The following MED15 variants were observed in gnomAD, a reference collection of about 807,000 sequenced individuals.
MED15 encodes the protein mediator of RNA polymerase II transcription subunit 15.
Under a neutral mutation model 118.7 loss-of-function variants are expected in MED15, and 41 were observed. That is an observed-to-expected ratio of 0.35 (90% CI 0.27 to 0.45). The LOEUF (loss-of-function observed/expected upper bound fraction) is 0.45, where lower values mean the gene tolerates loss of function less well. MED15 is among the 20% of genes least tolerant of loss of function. MED15 has a pLI of 1.00. For missense variants in MED15, 740 were observed against 1,025.5 expected (o/e 0.72, Z 3.80); for synonymous variants, 436 against 413.9 (o/e 1.05, Z -0.65).
chr22:20,559,836 C>T (rs1314606303), intron 5 of MED15, among the ~76,000 whole-genome samples: 1 of 152,172 alleles, frequency 6.6e-6, no homozygotes, highest in African/African-American at 2.4e-5. Flanking sequence ...TCCAATAAGC[C>T]TTTTGCACTC....
At chr22:20,580,641 G>T (rs537396981) in intron 9 of MED15, among the ~76,000 whole-genome samples, 1 of 152,120 alleles carries the variant, frequency 6.6e-6, no homozygotes, top group African/African-American at 2.4e-5. Flanking sequence ...CCCACTCCTC[G>T]GTGCCGTCTG....
Position 20,584,443 on chromosome 22 carries a change from C to T in MED15, c.1803+18C>T, listed in dbSNP as rs1479371146. ...TGGCGGTGGTGAGTGGGATGCCAGA[C>T]ACCCCTAGGGGAACCAGGGCTCTCC... is the stretch of plus-strand genomic sequence containing the variant. On this transcript the variant is annotated intron_variant, in intron 14 of 17. Coordinates refer to ENST00000263205, the MANE Select transcript of MED15 (RefSeq NM_001003891.3). 1 of 1,612,888 alleles carries T rather than the reference C, an allele frequency of 6.2e-7. No homozygotes were observed. Among genetic ancestry groups the T allele is most frequent in the African/African-American group, 1.3e-5 (1 of 74,898 alleles).
At chr22:20,545,473 C>CAAAAAAAAAAAAA in intron 2 of MED15, among the ~76,000 whole-genome samples, 1 of 90,150 alleles carries the variant, frequency 1.1e-5, no homozygotes. Flanking sequence ...GACTCCACCT[C>CAAAAAAAAAAAAA]AAAAAAAAAA....
At chr22:20,535,908 C>T (rs1465767523) in intron 1 of MED15, among the ~76,000 whole-genome samples, 1 of 123,474 alleles carries the variant, frequency 8.1e-6, no homozygotes, top group Non-Finnish European at 1.6e-5. Context: ...GATGGAGTTT[C>T]GCTCTGTCAC....
At chr22:20,513,282 CTTTTT>C (rs361904) in intron 1 of MED15, among the ~76,000 whole-genome samples, 1 of 127,054 alleles carries the variant, frequency 7.9e-6, no homozygotes, top group Non-Finnish European at 1.8e-5. Context: ...CTTTTTCTTT[CTTTTT>C]TTTTTTTTTT....
intron 1 of MED15, among the ~76,000 whole-genome samples, chr22:20,517,604 TCTC>T (rs2054298889): frequency 6.6e-6 from 1 of 152,170 alleles, no homozygotes; most frequent in South Asian, 2.1e-4. Context: ...TGAAGGCTTA[TCTC>T]CTCCTAGTCT....
rs1195982595 is a variant in MED15, at chr22:20,582,885, A to T, written c.1455A>T (p.Ser485=). 2 of 1,612,672 alleles carry T rather than the reference A, an allele frequency of 1.2e-6. No individual in the cohort carries two copies. The highest frequency in any genetic ancestry group is 2.7e-5 in the African/African-American group (2 of 74,602). Residue 485 remains serine (S), a synonymous_variant, in exon 11 of 18, where the codon TCA becomes TCT. Coordinates refer to ENST00000263205, the MANE Select transcript of MED15 (RefSeq NM_001003891.3). The part of the protein sequence containing the change: ...PSPSSFLPSP[S]PQPSQSPVTA... ...CCAGTAGCTTCCTGCCCAGCCCCTCACCGCAGCCCTCCCAGAGCCCAGTGA... is the reference window on the plus strand; with the variant it reads ...CCAGTAGCTTCCTGCCCAGCCCCTCTCCGCAGCCCTCCCAGAGCCCAGTGA...
chr22:20,558,158 A>G (rs949422271), intron 5 of MED15, among the ~76,000 whole-genome samples: 1 of 152,124 alleles, frequency 6.6e-6, no homozygotes, highest in Non-Finnish European at 1.5e-5. Context: ...TCTTGTTACC[A>G]CCTTTGTCAG....
At chr22:20,567,611 C>G (rs2056489532) in intron 7 of MED15, among the ~76,000 whole-genome samples, 1 of 152,200 alleles carries the variant, frequency 6.6e-6, no homozygotes, top group South Asian at 2.1e-4. Context: ...ACCCCGGGGA[C>G]TGTGCAGACT....
chr22:20,559,898 G>A (rs1232886751), intron 5 of MED15, among the ~76,000 whole-genome samples: 1 of 152,098 alleles, frequency 6.6e-6, no homozygotes, highest in Non-Finnish European at 1.5e-5. Context: ...GGTGATACAA[G>A]GTAAAATGGG....
intron 13 of MED15, chr22:20,583,722 G>A (rs965729469): frequency 1.5e-5 from 5 of 330,504 alleles, no homozygotes; most frequent in South Asian, 4.1e-5. Flanking sequence ...AGCCTGACCT[G>A]GAGTTCTGCC....
chr22:20,583,967 T>C (rs901779879), intron 13 of MED15: 2 of 268,160 alleles, frequency 7.5e-6, no homozygotes, highest in Non-Finnish European at 1.4e-5. Context: ...AACCCCTGTC[T>C]AGAAGGGTCT....
At chr22:20,585,315 C>T (rs763872252) in intron 16 of MED15, 48 bp downstream of exon 16, 17 of 1,596,100 alleles carry the variant, frequency 1.1e-5, no homozygotes, top group South Asian at 3.4e-5. Flanking sequence ...AGGCCCTGAC[C>T]GCAGCCCCAG....
chr22:20,579,854 A>G (rs1157350288), intron 9 of MED15, among the ~76,000 whole-genome samples: 1 of 151,928 alleles, frequency 6.6e-6, no homozygotes, highest in Non-Finnish European at 1.5e-5. Context: ...GGTGGTGTGC[A>G]CTCAGAAACT....
At chr22:20,541,725 A>G (rs901320125) in intron 2 of MED15, among the ~76,000 whole-genome samples, 1 of 150,922 alleles carries the variant, frequency 6.6e-6, no homozygotes, top group African/African-American at 2.4e-5. Context: ...TCTCGGCTCA[A>G]CGCAACCTCC....
chr22:20,567,820 G>C (rs1231912423), intron 7 of MED15, among the ~76,000 whole-genome samples: 1 of 152,182 alleles, frequency 6.6e-6, no homozygotes, highest in South Asian at 2.1e-4. Flanking sequence ...CCTCCATGCA[G>C]TGGCTCCACA....
At chr22:20,516,489 CCCCCCAGACCTTAA>C (rs1250494835) in intron 1 of MED15, among the ~76,000 whole-genome samples, 1 of 151,794 alleles carries the variant, frequency 6.6e-6, no homozygotes, top group Admixed American at 6.6e-5. Flanking sequence ...CCAACCAGTA[CCCCCCAGACCTTAA>C]CCCCCAGCCC....
chr22:20,560,583 C>T (rs936700581), intron 5 of MED15, among the ~76,000 whole-genome samples: 1 of 152,042 alleles, frequency 6.6e-6, no homozygotes, highest in African/African-American at 2.4e-5. Context: ...ATTTATAGAG[C>T]TAGGGTCTCC....
At chr22:20,579,494 T>G (rs2056915935) in intron 9 of MED15, among the ~76,000 whole-genome samples, 1 of 150,064 alleles carries the variant, frequency 6.7e-6, no homozygotes, top group Non-Finnish European at 1.5e-5. Flanking sequence ...ACACACTGAG[T>G]GCCGGAGCCA....
Sources: allele counts gnomAD v4.1 joint callset (sites outside exome capture counted in the v4.1 genomes callset), GRCh38; gene constraint gnomAD v4.1.1; transcripts MANE v1.5; gene names NCBI Gene and HGNC (gene_info 2026-07-23, HGNC 2026-07-21).